Variants in SLC38A12 observed in about 807,000 individuals in gnomAD.
The protein encoded by SLC38A12 is putative sodium-coupled neutral amino acid transporter 12.
chr17:74,804,831 G>A, the SLC38A12 span, among the ~76,000 whole-genome samples: 9 of 152,216 alleles, frequency 5.9e-5, no homozygotes, highest in African/African-American at 1.7e-4. Context: ...CAGTTCTGGC[G>A]CCTTCTCCCA....
At chr17:74,792,140 C>T in the SLC38A12 span, among the ~76,000 whole-genome samples, 7 of 138,408 alleles carry the variant, frequency 5.1e-5, no homozygotes, top group Non-Finnish European at 7.7e-5. Context: ...AGCGAGACTC[C>T]GTCTCAAAAA....
chr17:74,804,114 G>T, the SLC38A12 span, among the ~76,000 whole-genome samples: 1 of 152,258 alleles, frequency 6.6e-6, no homozygotes, highest in African/African-American at 2.4e-5. Flanking sequence ...TGTGGCATTT[G>T]TGGTGGCCCT....
At chr17:74,805,755 G>T in the SLC38A12 span, among the ~76,000 whole-genome samples, 1 of 152,292 alleles carries the variant, frequency 6.6e-6, no homozygotes, top group Non-Finnish European at 1.5e-5. The surrounding 1 kb of genome is among the most constrained non-coding windows in gnomAD (Gnocchi z 5.0). Flanking sequence ...GCTTCCTCCA[G>T]CTCCTGCTGG....
chr17:74,817,354 A>C, the SLC38A12 span, among the ~76,000 whole-genome samples: 2 of 152,170 alleles, frequency 1.3e-5, no homozygotes, highest in African/African-American at 4.8e-5. Flanking sequence ...GCCACATTCC[A>C]ACCATCATCC....
At chr17:74,803,663 C>A in the SLC38A12 span, among the ~76,000 whole-genome samples, 2 of 152,192 alleles carry the variant, frequency 1.3e-5, no homozygotes, top group African/African-American at 4.8e-5. Flanking sequence ...ACTTCCCAAG[C>A]CACCTGGGCT....
At chr17:74,813,342 G>A in the SLC38A12 span, among the ~76,000 whole-genome samples, 1 of 152,222 alleles carries the variant, frequency 6.6e-6, no homozygotes, top group Non-Finnish European at 1.5e-5. Context: ...GTCACTTGGT[G>A]CAAAGGGTAA....
At chr17:74,831,874 G>A in the SLC38A12 span, among the ~76,000 whole-genome samples, 20 of 152,362 alleles carry the variant, frequency 1.3e-4, no homozygotes, top group Admixed American at 3.3e-4. Context: ...CCCGGGCGTC[G>A]GTGTGGCTCT....
chr17:74,837,112 C>T, the SLC38A12 span: 12 of 993,064 alleles, frequency 1.2e-5, no homozygotes, highest in Non-Finnish European at 1.4e-5. Context: ...GCGTCCTTGT[C>T]TAAGAAACCT....
At chr17:74,785,351 C>T in the SLC38A12 span, 1 of 1,333,174 alleles carries the variant, frequency 7.5e-7, no homozygotes, top group Admixed American at 2.3e-5. Flanking sequence ...TCCTGTCCTG[C>T]CTCCTTCCCT....
chr17:74,808,252 G>A, the SLC38A12 span, among the ~76,000 whole-genome samples: 1 of 152,254 alleles, frequency 6.6e-6, no homozygotes, highest in Non-Finnish European at 1.5e-5. Context: ...AGAGGAGACA[G>A]CCCTTCCATC....
the SLC38A12 span, among the ~76,000 whole-genome samples, chr17:74,835,654 A>G: frequency 2.0e-5 from 3 of 152,002 alleles, no homozygotes; most frequent in Admixed American, 6.5e-5. Flanking sequence ...GCAAAGCCGG[A>G]CCACCCTGCC....
chr17:74,836,246 G>A, the SLC38A12 span: 1 of 1,611,488 alleles, frequency 6.2e-7, no homozygotes, highest in Admixed American at 1.7e-5. The surrounding 1 kb of genome is among the most constrained non-coding windows in gnomAD (Gnocchi z 4.2). Flanking sequence ...TCGTGGGCCT[G>A]GCCGCTGTGC....
chr17:74,801,215 C>T, the SLC38A12 span, among the ~76,000 whole-genome samples: 1 of 152,248 alleles, frequency 6.6e-6, no homozygotes, highest in Non-Finnish European at 1.5e-5. Context: ...AGTTCCTCCT[C>T]ATTCAGTTCT....
At chr17:74,836,178 T>C in the SLC38A12 span, 4 of 1,613,212 alleles carry the variant, frequency 2.5e-6, no homozygotes, top group Non-Finnish European at 3.4e-6. The surrounding 1 kb of genome is among the most constrained non-coding windows in gnomAD (Gnocchi z 4.2). Flanking sequence ...CGCCATCTTC[T>C]GCTTCCGCGG....
At chr17:74,836,252 T>C in the SLC38A12 span, 1 of 1,611,480 alleles carries the variant, frequency 6.2e-7, no homozygotes, top group African/African-American at 1.3e-5. The surrounding 1 kb of genome is among the most constrained non-coding windows in gnomAD (Gnocchi z 4.2). Flanking sequence ...GCCTGGCCGC[T>C]GTGCGCTTTT....
the SLC38A12 span, chr17:74,790,879 C>G: frequency 2.3e-6 from 3 of 1,326,288 alleles, no homozygotes; most frequent in Non-Finnish European, 3.2e-6. Context: ...TTAGATAATT[C>G]AGTGAGGTCC....
At chr17:74,797,130 G>A in the SLC38A12 span, among the ~76,000 whole-genome samples, 14 of 152,290 alleles carry the variant, frequency 9.2e-5, no homozygotes, top group South Asian at 2.7e-3. Context: ...CCAGCAAAAC[G>A]GATACTGAGC....
the SLC38A12 span, chr17:74,795,134 G>A: frequency 6.2e-7 from 1 of 1,608,056 alleles, no homozygotes; most frequent in Non-Finnish European, 8.5e-7. Context: ...CTGGCCCCCA[G>A]GTTGGCGGTA....
chr17:74,823,614 A>G, the SLC38A12 span, among the ~76,000 whole-genome samples: 2 of 152,234 alleles, frequency 1.3e-5, no homozygotes, highest in African/African-American at 4.8e-5. Flanking sequence ...TCAGTGTGGG[A>G]TGCCTGGGTG....
Sources: allele counts gnomAD v4.1 joint callset (sites outside exome capture counted in the v4.1 genomes callset), GRCh38; gene constraint gnomAD v4.1.1; non-coding constraint Gnocchi (gnomAD v3.1); transcripts MANE v1.5; gene names NCBI Gene and HGNC (gene_info 2026-07-23, HGNC 2026-07-21).